The following CDC42BPB variants were observed in gnomAD, a reference collection of about 807,000 sequenced individuals.
CDC42BPB encodes the protein serine/threonine-protein kinase MRCK beta.
In CDC42BPB, 37 loss-of-function variants were observed where a neutral mutation model predicts 214.9. The observed-to-expected ratio is 0.17, with a 90% CI of 0.13 to 0.23. The LOEUF is 0.23. Among genes scored for constraint, CDC42BPB ranks in the 10% least tolerant of loss-of-function variants. The pLI is 1.00. For synonymous variants in CDC42BPB, 931 were observed against 884.0 expected, an observed-to-expected ratio of 1.05 and a Z score of -0.94; for missense variants, 1,694 against 2,227.0, an observed-to-expected ratio of 0.76 and a Z score of 4.82.
chr14:102,995,540 C>A lies in CDC42BPB; in HGVS notation c.596+4025G>T, dbSNP rs35319483. On this transcript the variant is annotated intron_variant, in intron 5 of 36. Coordinates refer to ENST00000361246, the MANE Select transcript of CDC42BPB (RefSeq NM_006035.4). Reference sequence around the variant, plus strand: ...CTTTCCGGATATCATCAGGGGCTGACCTCTCAGGAAGGAGCTGTACCCACC... The same window carrying A: ...CTTTCCGGATATCATCAGGGGCTGAACTCTCAGGAAGGAGCTGTACCCACC... Among the ~76,000 whole-genome samples, 756 of 152,330 alleles carry A rather than the reference C, an allele frequency of 5.0e-3. 12 individuals are homozygous for A. The highest frequency in any genetic ancestry group is 0.017 in the African/African-American group (706 of 41,580).
chr14:103,054,898 G>A (rs1362179055), intron 1 of CDC42BPB, among the ~76,000 whole-genome samples: 1 of 152,268 alleles, frequency 6.6e-6, no homozygotes, highest in Non-Finnish European at 1.5e-5. Flanking sequence ...GCTTCCTCCA[G>A]GGAAGCCCAC....
intron 5 of CDC42BPB, among the ~76,000 whole-genome samples, chr14:102,995,417 C>T (rs1194110531): frequency 1.3e-5 from 2 of 152,206 alleles, no homozygotes; most frequent in Admixed American, 6.5e-5. Context: ...TCAGGTGATC[C>T]ACCTGCCTAG....
intron 20 of CDC42BPB, among the ~76,000 whole-genome samples, chr14:102,961,985 C>T (rs1892982744): frequency 6.6e-6 from 1 of 152,232 alleles, no homozygotes; most frequent in Middle Eastern, 3.2e-3. Flanking sequence ...GACTAACAAC[C>T]TGAATTTTTA....
chr14:102,983,495 GCT>G, intron 7 of CDC42BPB, 59 bp downstream of exon 7: 1 of 1,589,782 alleles, frequency 6.3e-7, no homozygotes, highest in Non-Finnish European at 8.5e-7. Context: ...CACTAGTTGT[GCT>G]CTCTGTACTT....
chr14:102,985,237 G>T (rs890377142), intron 6 of CDC42BPB, among the ~76,000 whole-genome samples: 1 of 137,368 alleles, frequency 7.3e-6, no homozygotes, highest in Non-Finnish European at 1.5e-5. Context: ...AAACCATGAC[G>T]GGGTGGTGTG....
chr14:102,983,141 G>C (rs2139524718), intron 7 of CDC42BPB, among the ~76,000 whole-genome samples: 1 of 152,278 alleles, frequency 6.6e-6, no homozygotes, highest in African/African-American at 2.4e-5. Context: ...CACCTAACCA[G>C]TGAATCTAGA....
At chr14:102,961,974 A>G (rs1423243279) in intron 20 of CDC42BPB, among the ~76,000 whole-genome samples, 1 of 152,280 alleles carries the variant, frequency 6.6e-6, no homozygotes, top group Non-Finnish European at 1.5e-5. Flanking sequence ...GAAATCCGCA[A>G]GACTAACAAC....
rs71119751 is a variant in CDC42BPB, at chr14:103,048,532, CAAAAAAAAAA to C, written c.175+8457_175+8466del. ...TGAAACCCTGTTTCTACTAAAAATACAAAAAAAAAAAAAAAAAAAAAAAAAAAAATTAGCC... is the reference window on the plus strand; with the variant it reads ...TGAAACCCTGTTTCTACTAAAAATACAAAAAAAAAAAAAAAAAAATTAGCC... On this transcript the variant is annotated intron_variant, in intron 1 of 36. Coordinates refer to ENST00000361246, the MANE Select transcript of CDC42BPB (RefSeq NM_006035.4). 3.1e-3 allele frequency among the ~76,000 whole-genome samples: 133 copies of C among 42,662 alleles called. 4 individuals are homozygous for C. The highest frequency in any genetic ancestry group is 0.011 in the Admixed American group (28 of 2,496). The allele number at this position is 42,662 out of a possible 152,430, so 28.0% of individuals were successfully genotyped here.
At chr14:103,032,298 C>T (rs890565302) in intron 1 of CDC42BPB, among the ~76,000 whole-genome samples, 14 of 152,138 alleles carry the variant, frequency 9.2e-5, no homozygotes, top group African/African-American at 3.4e-4. Flanking sequence ...TCAGGCCTCA[C>T]CAGCTCCTGA....
intron 13 of CDC42BPB, 73 bp from the exon 14 acceptor site, chr14:102,970,334 G>A (rs114059042): frequency 6.5e-7 from 1 of 1,529,666 alleles, no homozygotes; most frequent in African/African-American, 1.4e-5. Context: ...GCACCCACGG[G>A]ACCTCCACAA....
rs190599134 is a variant in CDC42BPB at position 102,990,358 on chromosome 14, G to A, written c.597-3778C>T. On this transcript the variant is annotated intron_variant, in intron 5 of 36. Coordinates refer to ENST00000361246, the MANE Select transcript of CDC42BPB (RefSeq NM_006035.4). ...ATGGGGGAGAACCGCAAACAAACCC[G>A]GAATGCCTGCGGGCAGGTTTGCTTC... 4.1e-4 allele frequency among the ~76,000 whole-genome samples: 63 copies of A among 152,312 alleles called. 1 individual carries two copies. The highest frequency in any genetic ancestry group is 5.8e-4 in the African/African-American group (24 of 41,572).
chr14:102,937,748 G>T (rs1288295172), intron 36 of CDC42BPB, among the ~76,000 whole-genome samples: 2 of 152,254 alleles, frequency 1.3e-5, no homozygotes, highest in Non-Finnish European at 2.9e-5. Context: ...CAATGTGGAA[G>T]GTCAGCCCAG....
At chr14:102,953,084 G>A (rs1437010744) in intron 23 of CDC42BPB, among the ~76,000 whole-genome samples, 1 of 152,272 alleles carries the variant, frequency 6.6e-6, no homozygotes, top group Admixed American at 6.5e-5. Context: ...CTCATCAGGA[G>A]TGGACACATT....
intron 7 of CDC42BPB, among the ~76,000 whole-genome samples, chr14:102,981,592 C>A (rs1026972276): frequency 1.3e-5 from 2 of 152,148 alleles, no homozygotes; most frequent in African/African-American, 2.4e-5. Context: ...ACCAGCCTGA[C>A]CAACAAGGTG....
chr14:102,938,264 C>T, intron 35 of CDC42BPB, 42 bp downstream of exon 35: 3 of 1,599,338 alleles, frequency 1.9e-6, no homozygotes, highest in South Asian at 1.1e-5. Flanking sequence ...CCCCCTACCC[C>T]CCACCTCCCC....
intron 3 of CDC42BPB, among the ~76,000 whole-genome samples, chr14:103,007,604 G>A (rs1885910830): frequency 6.6e-6 from 1 of 152,238 alleles, no homozygotes; most frequent in Admixed American, 6.5e-5. Context: ...TGACCGCAGG[G>A]CTGAGCAGCC....
In CDC42BPB at chr14:102,938,319, C is replaced by T. The variant is rs781000360; in HGVS notation, c.4920G>A (p.Ser1640=). 1.9e-5 allele frequency: 31 copies of T among 1,608,046 alleles called. No homozygotes were observed. The highest frequency in any genetic ancestry group is 6.7e-5 in the East Asian group (3 of 44,836). Residue 1640 remains serine, a synonymous_variant, in exon 35 of 37, where the codon TCG becomes TCA. Coordinates refer to ENST00000361246, the MANE Select transcript of CDC42BPB (RefSeq NM_006035.4). ...CTTCCCCTGTACCTGATGAGGGCCA[C>T]GAGATGTAGGGCTTGTTCCTGGATG... ...QPPSRNKPYI[S]WPSSGGSEPS... is the part of the protein sequence containing the mutation.
chr14:102,982,987 T>C (rs1352413697), intron 7 of CDC42BPB, among the ~76,000 whole-genome samples: 2 of 151,482 alleles, frequency 1.3e-5, no homozygotes, highest in East Asian at 1.9e-4. Flanking sequence ...AGAGGTGACA[T>C]GGAAGTGAGA....
chr14:102,975,519 G>A (rs1277083617), intron 11 of CDC42BPB, among the ~76,000 whole-genome samples, 165 bp downstream of exon 11: 2 of 151,964 alleles, frequency 1.3e-5, no homozygotes, highest in African/African-American at 2.4e-5. Flanking sequence ...GTGAAACTCC[G>A]TCTAAAAAAA....
Sources: allele counts gnomAD v4.1 joint callset (sites outside exome capture counted in the v4.1 genomes callset), GRCh38; gene constraint gnomAD v4.1.1; transcripts MANE v1.5; gene names NCBI Gene and HGNC (gene_info 2026-07-23, HGNC 2026-07-21).